The following MDGA2 variants were observed in gnomAD, a reference collection of about 807,000 sequenced individuals.
MDGA2 encodes the protein MAM domain-containing glycosylphosphatidylinositol anchor protein 2.
Under a neutral mutation model 117.8 loss-of-function variants are expected in MDGA2, and 40 were observed. The ratio of observed to expected loss-of-function variants is 0.34; its 90% confidence interval spans 0.26 to 0.44. The LOEUF (loss-of-function observed/expected upper bound fraction) is 0.44, where lower values mean the gene tolerates loss of function less well. Among genes scored for constraint, MDGA2 ranks in the 20% least tolerant of loss-of-function variants. MDGA2 has a pLI of 1.00. For synonymous variants in MDGA2, 452 were observed against 439.0 expected, an observed-to-expected ratio of 1.03 and a Z score of -0.37; for missense variants, 1,123 against 1,250.6, an observed-to-expected ratio of 0.90 and a Z score of 1.54.
At chr14:47,456,095 T>A (rs1893345757) in intron 1 of MDGA2, among the ~76,000 whole-genome samples, 1 of 151,996 alleles carries the variant, frequency 6.6e-6, no homozygotes, top group South Asian at 2.1e-4. Flanking sequence ...CTGAGATTAC[T>A]TGAATGAGTT....
chr14:47,371,285 C>A (rs1170163319), intron 1 of MDGA2, among the ~76,000 whole-genome samples: 1 of 151,566 alleles, frequency 6.6e-6, no homozygotes, highest in African/African-American at 2.4e-5. Flanking sequence ...TTCTAATGCA[C>A]CGAAAGAATT....
In MDGA2 at chr14:47,012,479, A is replaced by G. The variant is rs181270790; in HGVS notation, c.1819+22532T>C. Among the ~76,000 whole-genome samples the G allele has an allele frequency of 3.9e-5, 6 of 152,290 alleles. 1 individual carries two copies. In the East Asian group the frequency reaches 1.2e-3, roughly 29 times the overall value. On this transcript the variant is annotated intron_variant, in intron 8 of 16. Transcript: ENST00000399232. ...TCAATCACCACTTTAGCTTTAACAA[A>G]CTTAATAAGCTTAGTTCCTAGGTTA...
At chr14:47,361,900 C>T (rs1310073723) in intron 1 of MDGA2, among the ~76,000 whole-genome samples, 1 of 152,156 alleles carries the variant, frequency 6.6e-6, no homozygotes, top group Non-Finnish European at 1.5e-5. Context: ...AAGCACTCTT[C>T]TTCATTCTGT....
At chr14:47,363,253 A>ATTTATT (rs1305974197) in intron 1 of MDGA2, among the ~76,000 whole-genome samples, 1 of 151,884 alleles carries the variant, frequency 6.6e-6, no homozygotes, top group Admixed American at 6.6e-5. Context: ...TGTTTAATTT[A>ATTTATT]TTTATTTTTA....
chr14:47,614,019 G>C (rs12100824), intron 1 of MDGA2, among the ~76,000 whole-genome samples: 18 of 150,978 alleles, frequency 1.2e-4, no homozygotes, highest in African/African-American at 4.4e-4. Context: ...AACTTTTCCC[G>C]GACAAAAATC....
intron 1 of MDGA2, among the ~76,000 whole-genome samples, chr14:47,599,209 T>C (rs926593440): frequency 9.9e-5 from 15 of 152,100 alleles, no homozygotes; most frequent in South Asian, 4.1e-4. Flanking sequence ...GTCAATGATT[T>C]TAACTTAAAA....
intron 9 of MDGA2, among the ~76,000 whole-genome samples, chr14:46,929,649 A>ATTTTTTTTTTTTTTTTT (rs1180832509): frequency 2.2e-4 from 3 of 13,710 alleles, no homozygotes; most frequent in Non-Finnish European, 2.7e-4. Flanking sequence ...ATATATATAC[A>ATTTTTTTTTTTTTTTTT]TTTTTTTTTT....
At chr14:47,175,202 C>A (rs1376511964) in intron 3 of MDGA2, among the ~76,000 whole-genome samples, 1 of 151,468 alleles carries the variant, frequency 6.6e-6, no homozygotes, top group Non-Finnish European at 1.5e-5. Context: ...GGATTCACAG[C>A]CGAATTCTAC....
At chr14:47,352,269 A>C (rs1192400355) in intron 1 of MDGA2, among the ~76,000 whole-genome samples, 1 of 152,180 alleles carries the variant, frequency 6.6e-6, no homozygotes, top group Non-Finnish European at 1.5e-5. Flanking sequence ...CTATCTCAGC[A>C]TAATTCTTCA....
intron 6 of MDGA2, among the ~76,000 whole-genome samples, chr14:47,092,859 G>A (rs1415636384): frequency 6.6e-6 from 1 of 152,062 alleles, no homozygotes; most frequent in African/African-American, 2.4e-5. Context: ...TAGGGGTATA[G>A]CACAAGATGT....
At chr14:47,282,823 C>T (rs1888545383) in intron 2 of MDGA2, among the ~76,000 whole-genome samples, 1 of 151,934 alleles carries the variant, frequency 6.6e-6, no homozygotes. Context: ...TGGCTTGTGC[C>T]TGTAATCCCA....
At chr14:47,273,299 G>T (rs1446071128) in intron 2 of MDGA2, among the ~76,000 whole-genome samples, 1 of 152,120 alleles carries the variant, frequency 6.6e-6, no homozygotes, top group African/African-American at 2.4e-5. Context: ...ATGAAGCCAG[G>T]ATGACAGTGG....
intron 1 of MDGA2, among the ~76,000 whole-genome samples, chr14:47,482,943 G>C (rs1191259589): frequency 6.6e-6 from 1 of 150,530 alleles, no homozygotes; most frequent in African/African-American, 2.4e-5. Flanking sequence ...GAGACGTTTT[G>C]AATTTTTTGT....
intron 8 of MDGA2, among the ~76,000 whole-genome samples, chr14:47,007,779 T>C (rs1887763148): frequency 6.6e-6 from 1 of 151,848 alleles, no homozygotes; most frequent in African/African-American, 2.4e-5. Flanking sequence ...TTTACTGATA[T>C]AAATGTGTAT....
chr14:47,231,815 T>A (rs1314715212), intron 2 of MDGA2, among the ~76,000 whole-genome samples: 1 of 151,724 alleles, frequency 6.6e-6, no homozygotes, highest in African/African-American at 2.4e-5. Context: ...TCTGAGAATC[T>A]TCTGAAAACA....
At chr14:47,172,095 G>C (rs1000127424) in intron 3 of MDGA2, among the ~76,000 whole-genome samples, 5 of 152,174 alleles carry the variant, frequency 3.3e-5, no homozygotes, top group Admixed American at 2.6e-4. Flanking sequence ...GGCTGGGGGA[G>C]GGGCACCCAC....
At chr14:47,518,634 C>G (rs909173668) in intron 1 of MDGA2, among the ~76,000 whole-genome samples, 3 of 152,108 alleles carry the variant, frequency 2.0e-5, no homozygotes, top group African/African-American at 7.2e-5. Context: ...TATTCTATAA[C>G]ATTAGATATC....
intron 14 of MDGA2, chr14:46,871,176 T>A (rs1302423144): frequency 6.6e-6 from 1 of 151,996 alleles, no homozygotes; most frequent in African/African-American, 2.4e-5. Context: ...ATTGGTTCTT[T>A]AAGTGATTCC....
intron 1 of MDGA2, among the ~76,000 whole-genome samples, chr14:47,668,300 G>A (rs557634277): frequency 4.7e-4 from 72 of 152,258 alleles, no homozygotes; most frequent in African/African-American, 1.4e-3. Context: ...GGTATAAAAC[G>A]GAAATAATTA....
Sources: allele counts gnomAD v4.1 joint callset (sites outside exome capture counted in the v4.1 genomes callset), GRCh38; gene constraint gnomAD v4.1.1; transcripts MANE v1.5; gene names NCBI Gene and HGNC (gene_info 2026-07-23, HGNC 2026-07-21).